The following ZNF41 variants were observed in gnomAD, a reference collection of about 807,000 sequenced individuals.
ZNF41 encodes the protein zinc finger protein 41.
A neutral mutation model predicts 9.3 loss-of-function variants in ZNF41; 6 were observed. The observed-to-expected ratio is 0.65, with a 90% CI of 0.35 to 1.28. The LOEUF (loss-of-function observed/expected upper bound fraction) is 1.28. Among genes scored for constraint, ZNF41 ranks in the 50% most tolerant of loss-of-function variants. The probability of loss-of-function intolerance (pLI) is 0.03; values close to 1 mark genes in which losing one functional copy is unlikely to be tolerated. For synonymous variants in ZNF41, 192 were observed against 207.1 expected (o/e 0.93, Z 0.63); for missense variants, 523 against 585.8 (o/e 0.89, Z 1.11).
At chrX:47,469,417 G>GA (rs1221570015) in intron 1 of ZNF41, among the ~76,000 whole-genome samples, 1 of 109,010 alleles carries the variant, frequency 9.2e-6, no homozygotes, top group Non-Finnish European at 1.9e-5. Flanking sequence ...ACACTCAAGG[G>GA]AATAGTCTAA....
rs760995806 is a variant in ZNF41 at position 47,447,606 on chromosome X, TACATTC to T, written c.2158_2163del (p.Glu720_Cys721del). 33 of 1,210,347 alleles carry T rather than the reference TACATTC, an allele frequency of 2.7e-5. No homozygotes were observed. The highest frequency in any genetic ancestry group is 3.2e-5 in the Non-Finnish European group (29 of 895,275). ...TGGATGAAAGCTTTCCCACATTTAC[TACATTC>T]ATAGTGTCTTTCTCCAGTATGAGAC... On this transcript the variant is annotated inframe_deletion, in exon 5 of 5. Transcript: ENST00000684689.
rs367699178 is a variant in ZNF41, at chrX:47,449,264, T to C, written c.506A>G (p.His169Arg). Residue 169 changes from histidine (H) to arginine (R), a missense_variant, in exon 5 of 5, where the codon CAT (histidine) becomes CGT (arginine). Transcript: ENST00000684689. ...ATGAATTATTTTTTCAATGTTTTTATGTTCATAGCCCCTCTCCTTAATCAA... is the reference window on the plus strand; with the variant it reads ...ATGAATTATTTTTTCAATGTTTTTACGTTCATAGCCCCTCTCCTTAATCAA... ...KVLIKERGYE[H>R]KNIEKIIHVT... 3 of 1,209,631 alleles carry C rather than the reference T, an allele frequency of 2.5e-6. No homozygotes were observed. In the African/African-American group the frequency reaches 5.2e-5, roughly 21 times the overall value.
rs1171740429 is a variant in ZNF41 at position 47,456,354 on chromosome X, C to G, written c.117G>C (p.Glu39Asp). 8.3e-7 allele frequency: 1 copy of G among 1,211,669 alleles called. No individual in the cohort carries two copies. Among genetic ancestry groups the G allele is most frequent in the Admixed American group, 2.2e-5 (1 of 46,007 alleles). ...FEDVTVDFSK[E>D]EWQHLDPAQR... Reference sequence around the variant, plus strand: ...GGGCAGGGTCCAAGTGCTGCCACTCCTCCTTGCTGAAGTCCACAGTCACGT... The same window carrying G: ...GGGCAGGGTCCAAGTGCTGCCACTCGTCCTTGCTGAAGTCCACAGTCACGT... The change falls in exon 3 of 5, where the codon GAG (glutamate) becomes GAC (aspartate). Residue 39 changes from glutamate (E) to aspartate (D), a missense_variant. Physicochemically the swap from Glu to Asp is conservative, Grantham distance 45 (BLOSUM62 2). Transcript: ENST00000684689.
At chrX:47,458,105 T>C (rs757164901) in intron 2 of ZNF41, among the ~76,000 whole-genome samples, 2 of 111,217 alleles carry the variant, frequency 1.8e-5, no homozygotes, top group African/African-American at 6.5e-5. Flanking sequence ...TGGGCTATTA[T>C]AGAGGTAAGA....
intron 1 of ZNF41, among the ~76,000 whole-genome samples, chrX:47,470,411 C>CAAA (rs58574926): frequency 1.3e-4 from 5 of 37,669 alleles, no homozygotes; most frequent in Non-Finnish European, 1.4e-4. Flanking sequence ...GACTCCGTCT[C>CAAA]AAAAAAAAAA....
intron 4 of ZNF41, among the ~76,000 whole-genome samples, chrX:47,450,905 T>A (rs1432832957): frequency 3.6e-5 from 4 of 112,118 alleles, no homozygotes; most frequent in Non-Finnish European, 7.5e-5. Flanking sequence ...CTTGTTGAAC[T>A]GGACCCATTC....
intron 1 of ZNF41, among the ~76,000 whole-genome samples, chrX:47,477,776 A>C (rs932326770): frequency 3.6e-5 from 4 of 112,437 alleles, no homozygotes; most frequent in Non-Finnish European, 7.5e-5. Context: ...AGGCCCAGAC[A>C]AAAAGAAATC....
At chrX:47,466,534 CTT>C (rs11379623) in intron 2 of ZNF41, among the ~76,000 whole-genome samples, 1 of 103,461 alleles carries the variant, frequency 9.7e-6, no homozygotes. Flanking sequence ...TTTTATTCAT[CTT>C]TTTTTTTTTT....
intron 1 of ZNF41, among the ~76,000 whole-genome samples, chrX:47,472,972 C>T (rs145745418): frequency 0.048 from 5,331 of 109,921 alleles, 321 homozygotes; most frequent in African/African-American, 0.17. Flanking sequence ...CCGTCTGCCT[C>T]GGCCCCCCAA....
At chrX:47,469,034 G>A (rs1026068041) in intron 1 of ZNF41, among the ~76,000 whole-genome samples, 12 of 111,068 alleles carry the variant, frequency 1.1e-4, no homozygotes, top group East Asian at 2.8e-4. Flanking sequence ...AATTTTAGCC[G>A]GGCGCGGTGG....
chrX:47,465,035 A>G (rs949186745), intron 2 of ZNF41, among the ~76,000 whole-genome samples: 1 of 111,128 alleles, frequency 9.0e-6, no homozygotes, highest in Non-Finnish European at 1.9e-5. Context: ...ACAGGTGCAC[A>G]CCACCACACC....
chrX:47,455,641 G>T (rs1312699182), intron 4 of ZNF41, among the ~76,000 whole-genome samples: 1 of 111,497 alleles, frequency 9.0e-6, no homozygotes, highest in Non-Finnish European at 1.9e-5. Flanking sequence ...AGAATAAAAA[G>T]GTCCTAGATA....
intron 1 of ZNF41, among the ~76,000 whole-genome samples, chrX:47,472,203 T>C (rs949316258): frequency 2.7e-5 from 3 of 111,371 alleles, no homozygotes; most frequent in South Asian, 7.4e-4. Flanking sequence ...ATAATGCTCA[T>C]GGTAGCTTTA....
At position 47,448,042 on chromosome X, in the gene ZNF41, C is replaced by G. The variant is rs1251286772; in HGVS notation, c.1728G>C (p.Glu576Asp). 2.5e-6 allele frequency: 3 copies of G among 1,209,745 alleles called. No individual in the cohort carries two copies. Among genetic ancestry groups the G allele is most frequent in the Non-Finnish European group, 3.4e-6 (3 of 895,200 alleles). ...CGCAGTCCTTGCATTCATAGTGTCT[C>G]TCTCCAATATGAGATTTCTGATGTA... Reference protein sequence around the residue: ...LKIHQKSHIGERHYECKDCGK... With the variant: ...LKIHQKSHIGDRHYECKDCGK... Residue 576 changes from glutamate to aspartate, a missense_variant, in exon 5 of 5, where the codon GAG (glutamate) becomes GAC (aspartate). Physicochemically the swap from Glu to Asp is conservative, Grantham distance 45. Transcript: ENST00000684689.
At chrX:47,459,943 CA>C (rs199735412) in intron 2 of ZNF41, among the ~76,000 whole-genome samples, 69 of 96,039 alleles carry the variant, frequency 7.2e-4, no homozygotes, top group African/African-American at 6.1e-4. Context: ...GACTCCATCT[CA>C]AAAAAAAAAA....
At position 47,462,946 on chromosome X, in the gene ZNF41, T is replaced by TAC. The variant is rs1159661067; in HGVS notation, c.72+4462_72+4463dup. The stretch of plus-strand genomic sequence containing the variant: ...TATATATCACACACATATATATATA[T>TAC]ACACACACACACACACACACATATG... On this transcript the variant is annotated intron_variant, in intron 2 of 4. Coordinates refer to ENST00000684689, the MANE Select transcript of ZNF41 (RefSeq NM_001324144.2). 3.8e-3 allele frequency among the ~76,000 whole-genome samples: 249 copies of TAC among 65,558 alleles called. 1 individual carries two copies. The highest frequency in any genetic ancestry group is 0.013 in the East Asian group (22 of 1,694). The allele number at this position is 65,558 out of a possible 115,157, so 56.9% of individuals were successfully genotyped here. A position where few individuals can be genotyped will look rare whatever the true frequency, so the allele number is the denominator to read the frequency against.
intron 4 of ZNF41, among the ~76,000 whole-genome samples, chrX:47,450,598 G>A (rs199675230): frequency 8.9e-6 from 1 of 111,897 alleles, no homozygotes; most frequent in East Asian, 2.8e-4. Context: ...GGCAGAATCT[G>A]CAGGCCCTCC....
In ZNF41 at chrX:47,447,432, A is replaced by G. The variant is rs753635329; in HGVS notation, c.2338T>C (p.Ter780ArgextTer16). ...SGEKRYKASD[*>R] Reference sequence around the variant, plus strand: ...GTGATTTCCAGGTGAAGACTTTCTCAGTCACTGGCTTTATAGCGTTTTTCT... The same window carrying G: ...GTGATTTCCAGGTGAAGACTTTCTCGGTCACTGGCTTTATAGCGTTTTTCT... The change falls in exon 5 of 5, where the codon TGA (stop) becomes CGA (arginine). Residue 780 changes from the stop codon to arginine, a stop_lost. Transcript: ENST00000684689. 5.8e-6 allele frequency: 7 copies of G among 1,210,692 alleles called. No homozygotes were observed. The highest frequency in any genetic ancestry group is 7.8e-6 in the Non-Finnish European group (7 of 895,479).
intron 2 of ZNF41, among the ~76,000 whole-genome samples, chrX:47,465,685 T>C (rs2056959310): frequency 9.0e-6 from 1 of 111,021 alleles, no homozygotes; most frequent in Admixed American, 9.7e-5. Context: ...CATGTGCCTG[T>C]AGTCCCAGCT....
Sources: gnomAD v4.1 joint callset for allele counts (sites outside exome capture counted in the v4.1 genomes callset) on GRCh38, gnomAD v4.1.1 for gene constraint, MANE v1.5 for transcripts, NCBI Gene and HGNC (gene_info 2026-07-23, HGNC 2026-07-21) for gene names.